TJP1: variants seen among roughly 807,000 people sequenced by gnomAD.
The protein encoded by TJP1 is tight junction protein ZO-1.
In TJP1, 43 loss-of-function variants were observed where a neutral mutation model predicts 194.2. That is an observed-to-expected ratio of 0.22 (90% CI 0.17 to 0.29). The LOEUF (loss-of-function observed/expected upper bound fraction) is 0.29. Ranked by LOEUF, TJP1 falls within the 10% of genes least tolerant of loss-of-function variation. The probability of loss-of-function intolerance (pLI) is 1.00; values close to 1 mark genes in which losing one functional copy is unlikely to be tolerated. For synonymous variants in TJP1, 801 were observed against 779.0 expected, an observed-to-expected ratio of 1.03 and a Z score of -0.47; for missense variants, 1,971 against 2,185.7, an observed-to-expected ratio of 0.90 and a Z score of 1.96.
chr15:29,842,870 T>C (rs1018232113), intron 2 of TJP1, among the ~76,000 whole-genome samples: 1 of 152,194 alleles, frequency 6.6e-6, no homozygotes. Context: ...AATTATCCTG[T>C]TTTCACGCAA....
chr15:29,733,267 A>T lies in TJP1; in HGVS notation c.1563T>A (p.Ile521=), dbSNP rs760333849. ...VESDVGDSFY[I]RTHFEYEKES... is the part of the protein sequence containing the mutation. The stretch of plus-strand genomic sequence containing the variant: ...CCTTTTCATATTCAAAATGGGTTCT[A>T]ATATAGAAAGAATCTCCTACATCTG... The change falls in exon 13 of 28, where the codon ATT becomes ATA. Residue 521 remains isoleucine (I), a synonymous_variant. Coordinates refer to ENST00000614355, the MANE Select transcript of TJP1 (RefSeq NM_001330239.4). 1 of 1,613,900 alleles carries T rather than the reference A, an allele frequency of 6.2e-7. No individual in the cohort carries two copies. Among genetic ancestry groups the T allele is most frequent in the Non-Finnish European group, 8.5e-7 (1 of 1,179,834 alleles).
chr15:29,704,768 AT>A (rs1262138274), intron 26 of TJP1, among the ~76,000 whole-genome samples: 1 of 152,192 alleles, frequency 6.6e-6, no homozygotes, highest in Admixed American at 6.5e-5. Flanking sequence ...TATATTTTCC[AT>A]TTTCAAAATG....
chr15:29,720,700 A>C lies in TJP1; in HGVS notation c.2421T>G (p.Gly807=). ...GCAAATCAAGGTCATCACTTGTAGC[A>C]CCATCCGCCTGGGTCAAATAAAAGT... ...LVWVSEGKAD[G]ATSDDLDLHD... Residue 807 remains glycine (G), a synonymous_variant, in exon 19 of 28, where the codon GGT becomes GGG. Transcript: ENST00000614355. The C allele has an allele frequency of 6.3e-7, 1 of 1,593,342 alleles. No homozygotes were observed. The highest frequency in any genetic ancestry group is 8.6e-7 in the Non-Finnish European group (1 of 1,168,952).
At chr15:29,767,482 C>T (rs1566984912) in intron 4 of TJP1, among the ~76,000 whole-genome samples, 1 of 152,156 alleles carries the variant, frequency 6.6e-6, no homozygotes, top group Non-Finnish European at 1.5e-5. Flanking sequence ...ATGAGACATC[C>T]TGTTGCCATA....
intron 2 of TJP1, among the ~76,000 whole-genome samples, chr15:29,783,091 T>C (rs769127871): frequency 2.0e-5 from 3 of 151,912 alleles, no homozygotes; most frequent in East Asian, 1.9e-4. Context: ...CTGACTAACA[T>C]GGGGAAGCCC....
rs2050470802 is a variant in TJP1 at position 29,822,455 on chromosome 15, AACTC to A, written c.-431_-428del. ...GTCCGCTGGCTCAGCCGGCGCCGGCAACTCAGCGGCCACGCAAACCTGCCGGCCC... is the reference window on the plus strand; with the variant it reads ...GTCCGCTGGCTCAGCCGGCGCCGGCAAGCGGCCACGCAAACCTGCCGGCCC... On this transcript the variant is annotated 5_prime_UTR_variant, in exon 1 of 28. Coordinates refer to ENST00000614355, the MANE Select transcript of TJP1 (RefSeq NM_001330239.4). 5 of 985,832 alleles carry A rather than the reference AACTC, an allele frequency of 5.1e-6. No homozygotes were observed. The highest frequency in any genetic ancestry group is 1.8e-5 in the African/African-American group (1 of 57,126). The allele number at this position is 985,832 out of a possible 1,614,324, so 61.1% of individuals were successfully genotyped here. A position where few individuals can be genotyped will look rare whatever the true frequency, so the allele number is the denominator to read the frequency against.
chr15:29,936,376 C>T lies in TJP1; in HGVS notation c.306+19856G>A, dbSNP rs1157821219. On this transcript the variant is annotated intron_variant, in intron 2 of 28. Coordinates refer to the TJP1 transcript ENST00000356107. ...ATCTAGCTCCTCTATGTTGCCAGCA[C>T]CTGTCAGTGCCTGCCTTCCCCGGTC... Among the ~76,000 whole-genome samples the T allele has an allele frequency of 2.6e-5, 4 of 152,328 alleles. No homozygotes were observed. In the East Asian group the frequency reaches 7.7e-4, roughly 29 times the overall value.
At chr15:29,956,359 G>A (rs1452466689) in exon 2 of TJP1, 18 of 1,287,580 alleles carry the variant, frequency 1.4e-5, no homozygotes, top group African/African-American at 7.6e-5. Context: ...AGAGGATGGC[G>A]TTACCCTGCA....
At chr15:29,950,047 C>A (rs1451220822) in intron 2 of TJP1, among the ~76,000 whole-genome samples, 2 of 87,890 alleles carry the variant, frequency 2.3e-5, no homozygotes, top group African/African-American at 4.7e-5. Flanking sequence ...CCACCTCCAC[C>A]ACCACCACCT....
At chr15:29,735,324 C>T (rs2043953951) in intron 11 of TJP1, among the ~76,000 whole-genome samples, 1 of 151,932 alleles carries the variant, frequency 6.6e-6, no homozygotes, top group South Asian at 2.1e-4. Flanking sequence ...CGCAGTGACT[C>T]ATGTCTGTAA....
At chr15:29,817,032 G>C (rs1321163680) in intron 1 of TJP1, among the ~76,000 whole-genome samples, 1 of 152,156 alleles carries the variant, frequency 6.6e-6, no homozygotes, top group Non-Finnish European at 1.5e-5. Context: ...CCTACAGAAT[G>C]GGAGAAAAAC....
chr15:29,880,868 T>C (rs2052901888), intron 2 of TJP1, among the ~76,000 whole-genome samples: 1 of 152,246 alleles, frequency 6.6e-6, no homozygotes, highest in Non-Finnish European at 1.5e-5. Context: ...GTTGTTTCTA[T>C]ATCTTGGCTA....
chr15:29,828,891 G>T (rs541922634), intron 2 of TJP1, among the ~76,000 whole-genome samples: 24 of 152,136 alleles, frequency 1.6e-4, no homozygotes, highest in Non-Finnish European at 2.4e-4. Context: ...CTACCACAAT[G>T]CCTGGCTAGG....
At chr15:29,775,646 T>C (rs977379812) in intron 2 of TJP1, among the ~76,000 whole-genome samples, 1 of 151,848 alleles carries the variant, frequency 6.6e-6, no homozygotes, top group Non-Finnish European at 1.5e-5. Context: ...CATACACTCA[T>C]CATAATTCAA....
At chr15:29,727,544 T>A (rs186193212) in intron 16 of TJP1, among the ~76,000 whole-genome samples, 383 of 152,320 alleles carry the variant, frequency 2.5e-3, no homozygotes, top group Admixed American at 4.8e-3. Context: ...TGAAGCTCAC[T>A]TTTAAGACTT....
Position 29,908,048 on chromosome 15 carries a change from C to CAAAAAAAAAAAAAAAAAAAAAAAAA in TJP1, c.306+48159_306+48183dup, listed in dbSNP as rs1156724424. On this transcript the variant is annotated intron_variant, in intron 2 of 28. Transcript: ENST00000356107. ...AAAGTTGAGAAATTACCTTATAAAGCAAAAAAAAAAAAAAAAAAAAAAAAA... is the reference window on the plus strand; with the variant it reads ...AAAGTTGAGAAATTACCTTATAAAGCAAAAAAAAAAAAAAAAAAAAAAAAAAAAAAAAAAAAAAAAAAAAAAAAAA... Among the ~76,000 whole-genome samples the CAAAAAAAAAAAAAAAAAAAAAAAAA allele has an allele frequency of 9.7e-4, 19 of 19,528 alleles. 4 individuals carry two copies. The highest frequency in any genetic ancestry group is 2.0e-3 in the Admixed American group (2 of 1,018). The allele number at this position is 19,528 out of a possible 152,430, so 12.8% of individuals were successfully genotyped here.
intron 2 of TJP1, among the ~76,000 whole-genome samples, chr15:29,831,360 C>T (rs1486455631): frequency 6.6e-6 from 1 of 152,156 alleles, no homozygotes; most frequent in African/African-American, 2.4e-5. Context: ...GACAAGCAAA[C>T]ATTTATGCCT....
intron 1 of TJP1, among the ~76,000 whole-genome samples, chr15:29,809,766 A>C (rs928711573): frequency 2.0e-5 from 3 of 152,116 alleles, no homozygotes; most frequent in African/African-American, 4.8e-5. Context: ...GAATCCCTTG[A>C]ACCAGGGAGG....
At chr15:29,774,966 G>C (rs966698471) in intron 2 of TJP1, among the ~76,000 whole-genome samples, 2 of 151,892 alleles carry the variant, frequency 1.3e-5, no homozygotes, top group Admixed American at 1.3e-4. Context: ...GTCAACTGCA[G>C]TGTGAAAATT....
Sources: gnomAD v4.1 joint callset for allele counts (sites outside exome capture counted in the v4.1 genomes callset) on GRCh38, gnomAD v4.1.1 for gene constraint, MANE v1.5 for transcripts, NCBI Gene and HGNC (gene_info 2026-07-23, HGNC 2026-07-21) for gene names.